The following PPFIBP2 variants were observed in gnomAD, a reference collection of about 807,000 sequenced individuals.
PPFIBP2 encodes the protein PPFIB scaffold protein 2.
In PPFIBP2, 118 loss-of-function variants were observed where a neutral mutation model predicts 118.3. The observed-to-expected ratio is 1.00, with a 90% CI of 0.86 to 1.16. The LOEUF is 1.16. Among genes scored for constraint, PPFIBP2 ranks in the 50% most tolerant of loss-of-function variants. The pLI, the probability that PPFIBP2 is intolerant of heterozygous loss-of-function variation, is 0.00. For synonymous variants in PPFIBP2, 414 were observed against 397.4 expected, an observed-to-expected ratio of 1.04 and a Z score of -0.50; for missense variants, 1,195 against 1,073.1, an observed-to-expected ratio of 1.11 and a Z score of -1.59.
At chr11:7,656,185 C>G (rs972777739), downstream of PPFIBP2, among the ~76,000 whole-genome samples, 1 of 152,224 alleles carries the variant, frequency 6.6e-6, no homozygotes, top group East Asian at 1.9e-4. Flanking sequence ...AGGCCAGCCA[C>G]AGAGCACAGG....
At chr11:7,653,789 G>A, downstream of PPFIBP2, 1 of 1,194,964 alleles carries the variant, frequency 8.4e-7, no homozygotes. Flanking sequence ...AACTTTGTTG[G>A]GGAAAAAGAG....
chr11:7,560,238 T>G (rs966597789), intron 2 of PPFIBP2, among the ~76,000 whole-genome samples: 8 of 152,236 alleles, frequency 5.3e-5, no homozygotes, highest in Admixed American at 2.0e-4. Flanking sequence ...TCTTCCATAT[T>G]GTCTAGCATC....
chr11:7,611,805 G>A (rs1203542199), intron 6 of PPFIBP2, among the ~76,000 whole-genome samples: 1 of 152,126 alleles, frequency 6.6e-6, no homozygotes, highest in South Asian at 2.1e-4. Flanking sequence ...TAAGCATGTT[G>A]GAAATGAAAA....
At chr11:7,657,315 G>C (rs116123135), downstream of PPFIBP2, among the ~76,000 whole-genome samples, 1,303 of 152,308 alleles carry the variant, frequency 8.6e-3, 15 homozygotes, top group African/African-American at 0.029. Flanking sequence ...GGCAAGGCAG[G>C]TGTTTAGGGT....
chr11:7,627,037 T>C (rs1850112242), intron 8 of PPFIBP2, among the ~76,000 whole-genome samples: 1 of 152,220 alleles, frequency 6.6e-6, no homozygotes, highest in Non-Finnish European at 1.5e-5. Context: ...CTGGACTATC[T>C]CTGATGCTAA....
intron 3 of PPFIBP2, among the ~76,000 whole-genome samples, chr11:7,584,833 A>T (rs888062732): frequency 6.6e-6 from 1 of 152,216 alleles, no homozygotes; most frequent in South Asian, 2.1e-4. Flanking sequence ...AGCTTAAGAT[A>T]TAGCCTTAGT....
chr11:7,520,236 C>A (rs1471856346), intron 1 of PPFIBP2, among the ~76,000 whole-genome samples: 2 of 152,212 alleles, frequency 1.3e-5, no homozygotes, highest in African/African-American at 4.8e-5. Context: ...CTCCTGTAAA[C>A]AAGAAGTGTC....
chr11:7,618,425 A>G (rs759440292), intron 6 of PPFIBP2, among the ~76,000 whole-genome samples: 2 of 152,214 alleles, frequency 1.3e-5, no homozygotes, highest in South Asian at 2.1e-4. Context: ...GTATACCCAC[A>G]GTGGCAGCCC....
chr11:7,655,597 C>T (rs906731674), downstream of PPFIBP2: 18 of 986,776 alleles, frequency 1.8e-5, no homozygotes, highest in East Asian at 3.0e-4. Flanking sequence ...TGGGGGACGG[C>T]GAAGAATGGT....
At chr11:7,579,273 A>G (rs1856908026) in intron 3 of PPFIBP2, among the ~76,000 whole-genome samples, 1 of 152,166 alleles carries the variant, frequency 6.6e-6, no homozygotes, top group African/African-American at 2.4e-5. Context: ...CCTGTTCTCT[A>G]TCTCCCAGTC....
intron 19 of PPFIBP2, 74 bp downstream of exon 19, chr11:7,648,985 G>A: frequency 7.0e-7 from 1 of 1,432,660 alleles, no homozygotes; most frequent in East Asian, 2.3e-5. Flanking sequence ...CCTGTTAAAT[G>A]GGTACCTCAA....
intron 1 of PPFIBP2, among the ~76,000 whole-genome samples, chr11:7,514,414 G>A (rs1208180395): frequency 1.3e-5 from 2 of 152,232 alleles, no homozygotes; most frequent in Admixed American, 1.3e-4. Flanking sequence ...GTGCCAGCGT[G>A]GCCCTGGAGA....
At chr11:7,527,101 T>C (rs1850298034) in intron 1 of PPFIBP2, among the ~76,000 whole-genome samples, 1 of 150,930 alleles carries the variant, frequency 6.6e-6, no homozygotes. Flanking sequence ...ATCACTCCCT[T>C]CTATACCTAC....
At position 7,610,304 on chromosome 11, in the gene PPFIBP2, GCA is replaced by G; in HGVS notation, c.503_504del (p.Thr168IlefsTer3). The G allele has an allele frequency of 6.2e-7, 1 of 1,613,978 alleles. No individual in the cohort carries two copies. Among genetic ancestry groups the G allele is most frequent in the Non-Finnish European group, 8.5e-7 (1 of 1,179,836 alleles). ...TTTTGCTTGCAGGAGCTGCTAAGCC[GCA>G]CATCTCTTGAGACCCAGAAGCTCGA... On this transcript the variant is annotated frameshift_variant, in exon 6 of 24. Coordinates refer to ENST00000299492, the MANE Select transcript of PPFIBP2 (RefSeq NM_003621.5). LOFTEE classifies it high-confidence loss of function.
chr11:7,636,825 A>G (rs1851517667), intron 14 of PPFIBP2, among the ~76,000 whole-genome samples: 1 of 151,962 alleles, frequency 6.6e-6, no homozygotes, highest in South Asian at 2.1e-4. Context: ...CAACATGACC[A>G]CCCTCCCCTC....
At chr11:7,602,735 A>G (rs1268078470) in intron 5 of PPFIBP2, among the ~76,000 whole-genome samples, 1 of 152,218 alleles carries the variant, frequency 6.6e-6, no homozygotes, top group Non-Finnish European at 1.5e-5. Context: ...CTCTATTTCT[A>G]TCCTCCCTAC....
intron 22 of PPFIBP2, 180 bp from the exon 23 acceptor site, chr11:7,651,476 A>G: frequency 1.8e-6 from 1 of 565,246 alleles, no homozygotes; most frequent in Non-Finnish European, 3.1e-6. Context: ...ATGTGCTAGT[A>G]TGTGCTCAGA....
At chr11:7,566,039 T>TCACACA (rs10617506) in intron 3 of PPFIBP2, among the ~76,000 whole-genome samples, 3 of 146,410 alleles carry the variant, frequency 2.0e-5, no homozygotes, top group Admixed American at 6.8e-5. Flanking sequence ...ATTTAAGATT[T>TCACACA]CACACACACA....
intron 17 of PPFIBP2, 168 bp from the exon 18 acceptor site, chr11:7,648,219 G>A: frequency 1.5e-6 from 1 of 664,486 alleles, no homozygotes; most frequent in South Asian, 2.1e-5. Flanking sequence ...CTATGAGTGT[G>A]TTGTAGTGGA....
Sources: allele counts gnomAD v4.1 joint callset (sites outside exome capture counted in the v4.1 genomes callset), GRCh38; gene constraint gnomAD v4.1.1; transcripts MANE v1.5; gene names NCBI Gene and HGNC (gene_info 2026-07-23, HGNC 2026-07-21).